The following HMCN2 variants were observed in gnomAD, a reference collection of about 807,000 sequenced individuals.
HMCN2 encodes the protein hemicentin 2.
A neutral mutation model predicts 377.5 loss-of-function variants in HMCN2; 325 were observed. That is an observed-to-expected ratio of 0.86 (90% confidence interval 0.79 to 0.94). The LOEUF is 0.94. Ranked by LOEUF, HMCN2 falls within the 40% of genes least tolerant of loss-of-function variation. HMCN2 has a pLI of 0.00. For synonymous variants in HMCN2, 2,007 were observed against 2,046.8 expected (o/e 0.98, Z 0.53); for missense variants, 4,543 against 4,725.3 (o/e 0.96, Z 1.13).
chr9:130,367,478 T>A (rs1297847107), intron 43 of HMCN2, among the ~76,000 whole-genome samples: 1 of 152,132 alleles, frequency 6.6e-6, no homozygotes, highest in Non-Finnish European at 1.5e-5. Flanking sequence ...AAGGGTTTAA[T>A]CCAGTAGGTC....
In HMCN2 at chr9:130,410,555, C is replaced by T; in HGVS notation, c.12880-16C>T. ...TTCTCTGAGCACCATGCCTCCTCTC[C>T]TGTGCCCACTTGCAGAGGGACGATG... On this transcript the variant is annotated splice_polypyrimidine_tract_variant and intron_variant, in intron 84 of 97. Coordinates refer to ENST00000683500, the MANE Select transcript of HMCN2 (RefSeq NM_001291815.2). The T allele has an allele frequency of 6.5e-7, 1 of 1,549,934 alleles. No homozygotes were observed. Among genetic ancestry groups the T allele is most frequent in the Non-Finnish European group, 8.7e-7 (1 of 1,146,396 alleles).
intron 1 of HMCN2, among the ~76,000 whole-genome samples, chr9:130,275,387 GT>G (rs1478172582): frequency 6.6e-6 from 1 of 152,224 alleles, no homozygotes; most frequent in African/African-American, 2.4e-5. Flanking sequence ...CTGGTTGCAT[GT>G]TCCGGGTTGT....
intron 1 of HMCN2, 71 bp downstream of exon 1, chr9:130,266,208 T>G (rs1588142901): frequency 7.2e-6 from 3 of 418,582 alleles, no homozygotes; most frequent in African/African-American, 6.2e-5. Flanking sequence ...CCCCCTCAGT[T>G]GGCCCCGAAC....
At chr9:130,389,282 C>T (rs1263833220) in intron 62 of HMCN2, among the ~76,000 whole-genome samples, 1 of 152,212 alleles carries the variant, frequency 6.6e-6, no homozygotes. Flanking sequence ...ACATCCAATT[C>T]AGTGATTTGT....
rs1231349832 is a variant in HMCN2 at position 130,308,423 on chromosome 9, G to A, written c.2200+857G>A. Among the ~76,000 whole-genome samples, 1 of 152,192 alleles carries A rather than the reference G, an allele frequency of 6.6e-6. No individual in the cohort carries two copies. Among genetic ancestry groups the A allele is most frequent in the Non-Finnish European group, 1.5e-5 (1 of 68,038 alleles). On this transcript the variant is annotated intron_variant, in intron 14 of 97. Transcript: ENST00000683500. This position sits in a 1 kb window ranked among gnomAD's most constrained non-coding sequence, Gnocchi z 4.1. Reference sequence around the variant, plus strand: ...GCGTTTTCACGGTGCCTGCTGCCAGGCTGGAGTTTGACGGACGGGTGCTGG... The same window carrying A: ...GCGTTTTCACGGTGCCTGCTGCCAGACTGGAGTTTGACGGACGGGTGCTGG...
rs1053462373 is a variant in HMCN2 at position 130,308,203 on chromosome 9, C to T, written c.2200+637C>T. Among the ~76,000 whole-genome samples, 9 of 152,150 alleles carry T rather than the reference C, an allele frequency of 5.9e-5. No individual in the cohort carries two copies. The highest frequency in any genetic ancestry group is 1.3e-4 in the Admixed American group (2 of 15,272). ...AACTCCTGACCTCAGGTGACCCACT[C>T]GCCTCGGCTTCCCAAAGTGCTGGGA... On this transcript the variant is annotated intron_variant, in intron 14 of 97. Transcript: ENST00000683500. The surrounding 1 kb of genome is among the most constrained non-coding windows in gnomAD (Gnocchi z 4.1).
intron 96 of HMCN2, among the ~76,000 whole-genome samples, chr9:130,431,853 G>A (rs1410462072): frequency 2.0e-5 from 3 of 152,246 alleles, no homozygotes; most frequent in Admixed American, 1.3e-4. Context: ...GAGAGCTGTG[G>A]AGGTTGAGCA....
rs1460087809 is a variant in HMCN2, at chr9:130,369,332, C to T, written c.6788-238C>T. ...GGTTTTTGAGGAAGAAAACCCATCA[C>T]ACTTCCTGAAAGGGCTGTTCCCCAC... On this transcript the variant is annotated intron_variant, in intron 44 of 97. Coordinates refer to ENST00000683500, the MANE Select transcript of HMCN2 (RefSeq NM_001291815.2). This position sits in a 1 kb window ranked among gnomAD's most constrained non-coding sequence, Gnocchi z 4.5. Among the ~76,000 whole-genome samples, 2 of 152,236 alleles carry T rather than the reference C, an allele frequency of 1.3e-5. No individual in the cohort carries two copies. The highest frequency in any genetic ancestry group is 4.8e-5 in the African/African-American group (2 of 41,464).
In HMCN2 at chr9:130,349,607, G is replaced by A. The variant is rs374654419; in HGVS notation, c.4374G>A (p.Leu1458=). 7.7e-7 allele frequency: 1 copy of A among 1,304,132 alleles called. No homozygotes were observed. The highest frequency in any genetic ancestry group is 2.3e-5 in the Admixed American group (1 of 43,554). 80.8% of individuals were successfully genotyped at this position (1,304,132 alleles called of 1,614,324 possible). The change falls in exon 29 of 98, where the codon CTG becomes CTA. Residue 1458 remains leucine (L), a synonymous_variant. Coordinates refer to ENST00000683500, the MANE Select transcript of HMCN2 (RefSeq NM_001291815.2). ...GATTGGCCGGTGCAGACGTGGAGCT[G>A]CAGTGTTGGACCTCAGGGGTCCCCA... The part of the protein sequence containing the change: ...VLGLAGADVE[L]QCWTSGVPTP...
At chr9:130,427,185 C>G in intron 90 of HMCN2, 128 bp from the exon 91 acceptor site, 1 of 971,858 alleles carries the variant, frequency 1.0e-6, no homozygotes, top group South Asian at 1.5e-5. Context: ...CTTGCTGACT[C>G]TCTGGCACCG....
chr9:130,403,784 C>T lies in HMCN2; in HGVS notation c.12057C>T (p.Ala4019=), dbSNP rs1212678075. The stretch of plus-strand genomic sequence containing the variant: ...TACCAGGCGGACAGCTGCGGATTGC[C>T]CATGCCAGCCCAGAGGATGCTGGAA... ...QVLPGGQLRI[A]HASPEDAGNY... is the part of the protein sequence containing the mutation. Residue 4019 remains alanine (A), a synonymous_variant, in exon 80 of 98, where the codon GCC becomes GCT. Coordinates refer to ENST00000683500, the MANE Select transcript of HMCN2 (RefSeq NM_001291815.2). 3 of 1,289,844 alleles carry T rather than the reference C, an allele frequency of 2.3e-6. No individual in the cohort carries two copies. Among genetic ancestry groups the T allele is most frequent in the East Asian group, 1.1e-4 (2 of 18,030 alleles). The allele number at this position is 1,289,844 out of a possible 1,614,324, so 79.9% of individuals were successfully genotyped here. A position where few individuals can be genotyped will look rare whatever the true frequency, so the allele number is the denominator to read the frequency against.
chr9:130,336,728 T>C (rs1392080973), intron 22 of HMCN2, among the ~76,000 whole-genome samples: 6 of 152,186 alleles, frequency 3.9e-5, no homozygotes, highest in African/African-American at 1.4e-4. Context: ...ATTGCACTAC[T>C]CTGCAGATGG....
Position 130,371,095 on chromosome 9 carries a change from C to T in HMCN2, c.7201C>T (p.Pro2401Ser). The T allele has an allele frequency of 1.0e-6, 1 of 985,920 alleles. No individual in the cohort carries two copies. The highest frequency in any genetic ancestry group is 1.2e-6 in the Non-Finnish European group (1 of 830,022). The allele number at this position is 985,920 out of a possible 1,614,324, so 61.1% of individuals were successfully genotyped here. ...PAIRWFRGEEPVSPGEDTYLL... is the reference protein window; with the variant it reads ...PAIRWFRGEESVSPGEDTYLL... ...CATCCGCTGGTTCCGAGGGGAGGAG[C>T]CTGTCAGCCCCGGGGAGGACACCTA... The change falls in exon 46 of 98, where the codon CCT becomes TCT. Residue 2401 changes from proline to serine, a missense_variant. Pro to Ser is a moderately conservative substitution (Grantham distance 74). Coordinates refer to ENST00000683500, the MANE Select transcript of HMCN2 (RefSeq NM_001291815.2).
chr9:130,362,810 T>C (rs906797216), intron 39 of HMCN2, 57 bp from the exon 40 acceptor site: 2 of 985,322 alleles, frequency 2.0e-6, no homozygotes, highest in Non-Finnish European at 2.4e-6. Flanking sequence ...GTTCTGCCCC[T>C]TGGGGCCTGC....
chr9:130,365,853 A>G (rs1810199251), intron 42 of HMCN2, 23 bp from the exon 43 acceptor site: 5 of 985,248 alleles, frequency 5.1e-6, no homozygotes, highest in Non-Finnish European at 6.0e-6. Context: ...ACCCCCACTA[A>G]CTCTCTCTCT....
At position 130,391,964 on chromosome 9, in the gene HMCN2, G is replaced by A. The variant is rs182108184; in HGVS notation, c.9982G>A (p.Gly3328Ser). ...VPPTIKQGADGSGTLVSRPGE... is the reference protein window; with the variant it reads ...VPPTIKQGADSSGTLVSRPGE... ...TCCCACCATCAAGCAGGGAGCAGAC[G>A]GCTCGGGGACCCTGGTGAGCAGGCC... is the stretch of plus-strand genomic sequence containing the variant. Residue 3328 changes from glycine (G) to serine (S), a missense_variant, in exon 66 of 98, where the codon GGC becomes AGC. Coordinates refer to ENST00000683500, the MANE Select transcript of HMCN2 (RefSeq NM_001291815.2). 1.5e-4 allele frequency: 149 copies of A among 988,244 alleles called. No individual in the cohort carries two copies. The African/African-American group carries it at 2.2e-3, about 15-fold the overall frequency. 61.2% of individuals were successfully genotyped at this position (988,244 alleles called of 1,614,324 possible).
intron 60 of HMCN2, among the ~76,000 whole-genome samples, chr9:130,386,203 A>T (rs1564841587): frequency 6.6e-6 from 1 of 152,166 alleles, no homozygotes; most frequent in Non-Finnish European, 1.5e-5. Context: ...TCTTCCTGCC[A>T]GCTTGGCCCA....
At chr9:130,371,829 G>C (rs920522205) in intron 46 of HMCN2, among the ~76,000 whole-genome samples, 1 of 152,216 alleles carries the variant, frequency 6.6e-6, no homozygotes, top group Non-Finnish European at 1.5e-5. Flanking sequence ...TAACAGCAGT[G>C]GTGTCCTGTG....
intron 4 of HMCN2, among the ~76,000 whole-genome samples, chr9:130,291,207 TTTTGTTTG>T (rs782098065): frequency 6.6e-6 from 1 of 152,148 alleles, no homozygotes; most frequent in African/African-American, 2.4e-5. Context: ...CATACTTGAT[TTTTGTTTG>T]TTTGTTTGTT....
Sources: gnomAD v4.1 joint callset for allele counts (sites outside exome capture counted in the v4.1 genomes callset) on GRCh38, gnomAD v4.1.1 for gene constraint, Gnocchi (gnomAD v3.1) non-coding constraint, MANE v1.5 for transcripts, NCBI Gene and HGNC (gene_info 2026-07-23, HGNC 2026-07-21) for gene names.